Variants in MOV10 observed in about 807,000 individuals in gnomAD.
The protein encoded by MOV10 is RNA helicase MOV-10.
MOV10 carries 39 observed loss-of-function variants against 108.4 expected under a neutral mutation model. The observed-to-expected ratio is 0.36, with a 90% CI of 0.28 to 0.47. MOV10 has a LOEUF of 0.47. MOV10 is among the 20% of genes least tolerant of loss of function. MOV10 has a pLI of 1.00. For missense variants in MOV10, 952 were observed against 1,297.6 expected (o/e 0.73, Z 4.09); for synonymous variants, 490 against 523.1 (o/e 0.94, Z 0.86).
intron 1 of MOV10, 38 bp from the exon 2 acceptor site, chr1:112,674,810 T>G (rs1035497563): frequency 7.3e-6 from 9 of 1,235,436 alleles, no homozygotes; most frequent in Non-Finnish European, 8.8e-6. Context: ...GGGGCTTCCC[T>G]CCTGCTGCAC....
At chr1:112,688,362 A>T (rs1391404335) in intron 2 of MOV10, 1 of 990,070 alleles carries the variant, frequency 1.0e-6, no homozygotes, top group East Asian at 1.1e-4. Context: ...CTGGAGAAGG[A>T]TCCTTTCCCT....
rs1357473822 is a variant in MOV10, at chr1:112,689,584, C to T, written c.511C>T (p.Leu171Phe). The change falls in exon 4 of 21, where the codon CTC becomes TTC. Residue 171 changes from leucine to phenylalanine, a missense_variant. Around this residue, in one of 5 missense-constraint regions of MOV10, gnomAD observed 374 missense variants for 468.6 expected, o/e 0.80. Transcript: ENST00000369645. ...TGTTACCCTCACTCACCTCTTCCCA[C>T]TCTGCCGGACACCCCAGTTTGCTTT... Reference protein sequence around the residue: ...QSVTLTHLFPLCRTPQFAFYN... With the variant: ...QSVTLTHLFPFCRTPQFAFYN... 1.9e-6 allele frequency: 3 copies of T among 1,614,254 alleles called. No homozygotes were observed. The highest frequency in any genetic ancestry group is 2.5e-6 in the Non-Finnish European group (3 of 1,180,050).
intron 2 of MOV10, among the ~76,000 whole-genome samples, chr1:112,685,675 A>ATAAAATAAAATAAAG (rs1673020143): frequency 6.6e-6 from 1 of 151,028 alleles, no homozygotes; most frequent in African/African-American, 2.4e-5. Flanking sequence ...ATAAAATAAA[A>ATAAAATAAAATAAAG]TAAAATAAAA....
chr1:112,686,432 T>G (rs1039379440), intron 2 of MOV10, among the ~76,000 whole-genome samples: 1 of 152,204 alleles, frequency 6.6e-6, no homozygotes, highest in East Asian at 1.9e-4. Context: ...TTTGAGACTT[T>G]GCTGATTCTC....
At chr1:112,691,598 C>T in intron 5 of MOV10, 67 bp from the exon 6 acceptor site, 1 of 1,574,124 alleles carries the variant, frequency 6.4e-7, no homozygotes, top group South Asian at 1.2e-5. Context: ...GCATCCACCC[C>T]AGAGGGGCGT....
chr1:112,698,593 T>G (rs1674333950), intron 16 of MOV10, 115 bp downstream of exon 16: 4 of 1,441,726 alleles, frequency 2.8e-6, no homozygotes, highest in Non-Finnish European at 2.9e-6. Context: ...GCTCCGTATC[T>G]CAGAAGAGCA....
Position 112,675,931 on chromosome 1 carries a change from T to C in MOV10, c.137+882T>C, listed in dbSNP as rs951961382. Among the ~76,000 whole-genome samples, 1 of 152,146 alleles carries C rather than the reference T, an allele frequency of 6.6e-6. No individual in the cohort carries two copies. The highest frequency in any genetic ancestry group is 1.5e-5 in the Non-Finnish European group (1 of 68,026). ...GACCTCCCGAAAAAGACCTTGGGTTTTAGCAGACCAGAGGGCCAGTATGGG... is the reference window on the plus strand; with the variant it reads ...GACCTCCCGAAAAAGACCTTGGGTTCTAGCAGACCAGAGGGCCAGTATGGG... On this transcript the variant is annotated intron_variant, in intron 2 of 20. Transcript: ENST00000369645. The surrounding 1 kb of genome is among the most constrained non-coding windows in gnomAD (Gnocchi z 4.7).
rs769856231 is a variant in MOV10 at position 112,689,402 on chromosome 1, C to T, written c.342-13C>T. The stretch of plus-strand genomic sequence containing the variant: ...TCCCACCCCAACCCCCCCTTGACTC[C>T]CCTTCTCCCCAGGGCTGAGTATCTT... On this transcript the variant is annotated splice_polypyrimidine_tract_variant and intron_variant, in intron 3 of 20. Transcript: ENST00000369645. 26 of 1,586,052 alleles carry T rather than the reference C, an allele frequency of 1.6e-5. 2 individuals are homozygous for T. The African/African-American group carries it at 2.1e-4, about 13-fold the overall frequency.
rs547935660 is a variant in MOV10, at chr1:112,698,313, A to G, written c.2343A>G (p.Val781=). ...RQGFPIIFHG[V]MGKDEREGNS... is the part of the protein sequence containing the mutation. ...GCTTTCCCATCATCTTTCACGGCGT[A>G]ATGGGCAAAGATGAGCGTGAAGGCA... Residue 781 remains valine (V), a synonymous_variant, in exon 16 of 21, where the codon GTA becomes GTG. Transcript: ENST00000369645. 20 of 1,614,044 alleles carry G rather than the reference A, an allele frequency of 1.2e-5. No homozygotes were observed. In the South Asian group the frequency reaches 2.2e-4, roughly 18 times the overall value.
intron 2 of MOV10, among the ~76,000 whole-genome samples, chr1:112,685,728 G>A (rs1346206382): frequency 6.6e-6 from 1 of 151,292 alleles, no homozygotes; most frequent in East Asian, 2.0e-4. Flanking sequence ...TATAATACAA[G>A]GATTGGGGCT....
chr1:112,675,024 AT>A lies in MOV10; in HGVS notation c.115del (p.Tyr39IlefsTer23). 1 of 1,591,726 alleles carries A rather than the reference AT, an allele frequency of 6.3e-7. No homozygotes were observed. Among genetic ancestry groups the A allele is most frequent in the African/African-American group, 1.4e-5 (1 of 72,816 alleles). On this transcript the variant is annotated frameshift_variant, in exon 2 of 21. Transcript: ENST00000369645. LOFTEE classifies it high-confidence loss of function. This position sits in a 1 kb window ranked among gnomAD's most constrained non-coding sequence, Gnocchi z 4.7. ...METDRERLRT[I>X]YNRDFKISFG... ...GACAGATCGCGAGCGGCTGCGGACC[AT>A]TTATAACCGCGACTTCAAGATCAGG... is the stretch of plus-strand genomic sequence containing the variant.
At chr1:112,692,014 C>T (rs138122753) in intron 6 of MOV10, among the ~76,000 whole-genome samples, 42 of 152,234 alleles carry the variant, frequency 2.8e-4, no homozygotes, top group African/African-American at 8.2e-4. Flanking sequence ...GTTACAATTT[C>T]ATGGAGTGAT....
chr1:112,688,787 GTC>G (rs1233563621), intron 2 of MOV10, 146 bp from the exon 3 acceptor site: 2 of 1,477,422 alleles, frequency 1.4e-6, no homozygotes, highest in East Asian at 2.3e-5. Context: ...CCCAGCCTGA[GTC>G]TCTCTGTCTC....
chr1:112,688,278 T>C (rs765884461), intron 2 of MOV10: 1 of 892,108 alleles, frequency 1.1e-6, no homozygotes, highest in Non-Finnish European at 1.3e-6. Context: ...GCACTGAGCC[T>C]TGAGGTTATT....
intron 2 of MOV10, among the ~76,000 whole-genome samples, chr1:112,687,772 A>G (rs2932537): frequency 0.8 from 120,879 of 152,046 alleles, 48,420 homozygotes; most frequent in East Asian, 0.91. Context: ...TCAAAATCTC[A>G]TGTAAACCTC....
At position 112,690,008 on chromosome 1, in the gene MOV10, A is replaced by C; in HGVS notation, c.746A>C (p.Gln249Pro). Residue 249 changes from glutamine (Q) to proline (P), a missense_variant, in exon 5 of 21, where the codon CAG becomes CCG. Coordinates refer to ENST00000369645, the MANE Select transcript of MOV10 (RefSeq NM_001321324.2). Reference sequence around the variant, plus strand: ...GTCGCCCACAGCCCCCTGGCTGCACAGCTGAAGCCCATGACTCCCTTCAAG... The same window carrying C: ...GTCGCCCACAGCCCCCTGGCTGCACCGCTGAAGCCCATGACTCCCTTCAAG... ...AAVAHSPLAA[Q>P]LKPMTPFKRT... The C allele has an allele frequency of 1.2e-6, 2 of 1,614,096 alleles. No homozygotes were observed. The highest frequency in any genetic ancestry group is 1.7e-6 in the Non-Finnish European group (2 of 1,180,034).
chr1:112,691,355 A>G (rs533047544), intron 5 of MOV10, among the ~76,000 whole-genome samples: 1 of 152,222 alleles, frequency 6.6e-6, no homozygotes, highest in African/African-American at 2.4e-5. Context: ...ATATATGTAT[A>G]ACAGAAACTT....
chr1:112,687,121 C>A, intron 2 of MOV10: 1 of 440,930 alleles, frequency 2.3e-6, no homozygotes, highest in Non-Finnish European at 4.6e-6. Flanking sequence ...GTTGTTACTA[C>A]TCCTACTACT....
chr1:112,681,649 G>T (rs2101277689), intron 2 of MOV10, among the ~76,000 whole-genome samples: 1 of 152,114 alleles, frequency 6.6e-6, no homozygotes, highest in African/African-American at 2.4e-5. Context: ...AAGTTGAAAT[G>T]AATCTACAGT....
Sources: gnomAD v4.1 joint callset for allele counts (sites outside exome capture counted in the v4.1 genomes callset) on GRCh38, gnomAD v4.1.1 for gene constraint, gnomAD v4.1.1 regional missense constraint, Gnocchi (gnomAD v3.1) non-coding constraint, MANE v1.5 for transcripts, NCBI Gene and HGNC (gene_info 2026-07-23, HGNC 2026-07-21) for gene names.